Variants in LIMK1 observed in about 807,000 individuals in gnomAD.
LIMK1 encodes the protein LIM motif-containing protein kinase.
In LIMK1, 21 loss-of-function variants were observed where a neutral mutation model predicts 77.6. The observed-to-expected ratio is 0.27, with a 90% CI of 0.19 to 0.39. The LOEUF (loss-of-function observed/expected upper bound fraction) is 0.39. Ranked by LOEUF, LIMK1 falls within the 10% of genes least tolerant of loss-of-function variation. The pLI is 1.00. For synonymous variants in LIMK1, 358 were observed against 370.0 expected, an observed-to-expected ratio of 0.97 and a Z score of 0.37; for missense variants, 696 against 901.6, an observed-to-expected ratio of 0.77 and a Z score of 2.92.
intron 5 of LIMK1, among the ~76,000 whole-genome samples, chr7:74,103,929 G>C (rs1375774646): frequency 1.3e-5 from 2 of 151,904 alleles, no homozygotes; most frequent in Non-Finnish European, 2.9e-5. Context: ...CGAGTAGCTG[G>C]GACTACAGGC....
intron 2 of LIMK1, among the ~76,000 whole-genome samples, chr7:74,095,596 G>T (rs1448676248): frequency 6.6e-6 from 1 of 152,042 alleles, no homozygotes; most frequent in East Asian, 1.9e-4. Flanking sequence ...TTAAGAGATG[G>T]GGTCTTACTG....
chr7:74,112,338 A>G (rs1223290197), intron 12 of LIMK1, among the ~76,000 whole-genome samples: 1 of 152,162 alleles, frequency 6.6e-6, no homozygotes, highest in African/African-American at 2.4e-5. Flanking sequence ...CAGAGTGGCC[A>G]TGGGCTACAC....
At chr7:74,100,478 A>T (rs147462769) in intron 5 of LIMK1, among the ~76,000 whole-genome samples, 165 of 152,134 alleles carry the variant, frequency 1.1e-3, no homozygotes, top group Middle Eastern at 6.8e-3. Context: ...TCTGGGGTGC[A>T]GTGGTGTGAT....
In LIMK1 at chr7:74,099,230, C is replaced by T. The variant is rs781958441; in HGVS notation, c.600C>T (p.Arg200=). 9 of 1,604,162 alleles carry T rather than the reference C, an allele frequency of 5.6e-6. No homozygotes were observed. Among genetic ancestry groups the T allele is most frequent in the South Asian group, 1.1e-5 (1 of 91,072 alleles). ...GCACCGAGCACTCACACACCGTCCG[C>T]GTCCAGGGGTGAGTGGCCGGCCTGC... ...GCGTEHSHTV[R]VQGVDPGCMS... Residue 200 remains arginine (R), a synonymous_variant, in exon 5 of 16, where the codon CGC becomes CGT. Coordinates refer to ENST00000336180, the MANE Select transcript of LIMK1 (RefSeq NM_002314.4).
intron 12 of LIMK1, among the ~76,000 whole-genome samples, chr7:74,114,397 A>T (rs1009616328): frequency 4.0e-5 from 6 of 151,878 alleles, no homozygotes; most frequent in African/African-American, 7.3e-5. Context: ...CAAAAAAATT[A>T]AAAAATTAGC....
intron 13 of LIMK1, among the ~76,000 whole-genome samples, chr7:74,119,760 T>G (rs949561847): frequency 5.3e-5 from 8 of 151,776 alleles, no homozygotes; most frequent in African/African-American, 9.7e-5. Context: ...GTACAAAAAT[T>G]AGCTGGGCAT....
chr7:74,096,585 C>T lies in LIMK1; in HGVS notation c.153-37C>T, dbSNP rs368634738. Reference sequence around the variant, plus strand: ...GGGGCCCAGGTGAGGTGGAGGAGGGCGGGAGTGGACGTCTCAGCCCGGCCC... The same window carrying T: ...GGGGCCCAGGTGAGGTGGAGGAGGGTGGGAGTGGACGTCTCAGCCCGGCCC... On this transcript the variant is annotated intron_variant, in intron 2 of 15. Coordinates refer to ENST00000336180, the MANE Select transcript of LIMK1 (RefSeq NM_002314.4). 185 of 1,612,942 alleles carry T rather than the reference C, an allele frequency of 1.1e-4. No homozygotes were observed. In the African/African-American group the frequency reaches 1.6e-3, roughly 14 times the overall value.
At chr7:74,096,983 T>C in intron 3 of LIMK1, 97 bp from the exon 4 acceptor site, 20 of 1,119,742 alleles carry the variant, frequency 1.8e-5, no homozygotes, top group Non-Finnish European at 2.6e-5. Flanking sequence ...CCTGCAGTTG[T>C]TTTTTTGGTG....
chr7:74,089,061 T>G (rs1416044473), intron 2 of LIMK1, among the ~76,000 whole-genome samples: 1 of 152,210 alleles, frequency 6.6e-6, no homozygotes, highest in East Asian at 1.9e-4. Flanking sequence ...GCACTCTTCA[T>G]GCTAATTTGT....
rs55679316 is a variant in LIMK1, at chr7:74,109,017, G to A, written c.1265G>A (p.Arg422Gln). ...ITEYIKGGTL[R>Q]GIIKSMDSQY... The stretch of plus-strand genomic sequence containing the variant: ...GAGTACATCAAGGGCGGCACGCTCC[G>A]GGGCATCATCAAGAGCATGGTGAGT... Residue 422 changes from arginine (R) to glutamine (Q), a missense_variant, in exon 10 of 16, where the codon CGG (arginine) becomes CAG (glutamine). By Grantham distance (43) the Arg-to-Gln change is conservative. Transcript: ENST00000336180. 415 of 1,613,596 alleles carry A rather than the reference G, an allele frequency of 2.6e-4. No individual in the cohort carries two copies. The East Asian group carries it at 6.3e-3, about 24-fold the overall frequency.
intron 1 of LIMK1, among the ~76,000 whole-genome samples, chr7:74,085,147 C>G (rs1799110832): frequency 6.6e-6 from 1 of 152,196 alleles, no homozygotes; most frequent in Admixed American, 6.5e-5. Context: ...CTGTGGCTGG[C>G]TAGAGGAGGT....
chr7:74,115,225 C>T (rs1409114806), intron 12 of LIMK1: 1 of 154,590 alleles, frequency 6.5e-6, no homozygotes. Context: ...GAGTTCGAAA[C>T]CTGCCTAGCC....
intron 2 of LIMK1, among the ~76,000 whole-genome samples, chr7:74,095,132 T>C (rs976856429): frequency 6.6e-6 from 1 of 152,134 alleles, no homozygotes; most frequent in African/African-American, 2.4e-5. Context: ...CCCCAGGCTG[T>C]GGAGAGTTTC....
intron 5 of LIMK1, among the ~76,000 whole-genome samples, chr7:74,100,719 AGT>A (rs1392758081): frequency 6.8e-6 from 1 of 146,552 alleles, no homozygotes; most frequent in Non-Finnish European, 1.5e-5. Flanking sequence ...GCCCGGCCCA[AGT>A]GCTAGCTTTC....
chr7:74,090,112 C>T (rs1799209482), intron 2 of LIMK1, among the ~76,000 whole-genome samples: 1 of 152,110 alleles, frequency 6.6e-6, no homozygotes. Context: ...CAGTGGCTCA[C>T]GCCTGTAATC....
Position 74,106,143 on chromosome 7 carries a change from A to G in LIMK1, c.781A>G (p.Thr261Ala), listed in dbSNP as rs782007788. Residue 261 changes from threonine (T) to alanine (A), a missense_variant, in exon 7 of 16, where the codon ACA becomes GCA. Thr to Ala is a moderately conservative substitution (Grantham distance 58). This residue lies in a region of LIMK1 where 438 missense variants were observed against 602.3 expected (regional missense o/e 0.73). Transcript: ENST00000336180. The stretch of plus-strand genomic sequence containing the variant: ...GACCCTCGAGCATGACCCTCACGAT[A>G]CACTGGGCCACGGGCTGGGGCCTGA... ...QLTLEHDPHD[T>A]LGHGLGPETS... 2 of 1,613,840 alleles carry G rather than the reference A, an allele frequency of 1.2e-6. No homozygotes were observed. The highest frequency in any genetic ancestry group is 2.7e-5 in the African/African-American group (2 of 74,882).
intron 7 of LIMK1, 68 bp downstream of exon 7, chr7:74,106,311 C>T: frequency 6.6e-7 from 1 of 1,523,570 alleles, no homozygotes; most frequent in East Asian, 2.3e-5. Context: ...GGCTGTGGGA[C>T]CTAGGTCGGG....
At chr7:74,096,501 A>G in intron 2 of LIMK1, 121 bp from the exon 3 acceptor site, 1 of 1,382,038 alleles carries the variant, frequency 7.2e-7, no homozygotes, top group Non-Finnish European at 9.9e-7. Flanking sequence ...CTCCGTCTCA[A>G]AAAACAAACA....
At chr7:74,107,299 A>G in intron 8 of LIMK1, 106 bp downstream of exon 8, 1 of 1,249,822 alleles carries the variant, frequency 8.0e-7, no homozygotes, top group Non-Finnish European at 1.1e-6. Flanking sequence ...TGGCTTCCAG[A>G]CTCCCTGGCC....
Sources: gnomAD v4.1 joint callset for allele counts (sites outside exome capture counted in the v4.1 genomes callset) on GRCh38, gnomAD v4.1.1 for gene constraint, gnomAD v4.1.1 regional missense constraint, MANE v1.5 for transcripts, NCBI Gene and HGNC (gene_info 2026-07-23, HGNC 2026-07-21) for gene names.